Variants in POU6F2 observed in about 807,000 individuals in gnomAD.
POU6F2 encodes the protein POU domain, class 6, transcription factor 2.
POU6F2 carries 31 observed loss-of-function variants against 71.3 expected under a neutral mutation model. That is an observed-to-expected ratio of 0.43 (90% CI 0.33 to 0.59). POU6F2 has a LOEUF of 0.59. Ranked by LOEUF, POU6F2 falls within the 20% of genes least tolerant of loss-of-function variation. The probability of loss-of-function intolerance (pLI) is 0.04; values close to 1 mark genes in which losing one functional copy is unlikely to be tolerated. For missense variants in POU6F2, 783 were observed against 856.8 expected, an observed-to-expected ratio of 0.91 and a Z score of 1.07; for synonymous variants, 347 against 355.7, an observed-to-expected ratio of 0.98 and a Z score of 0.27.
chr7:39,090,043 T>C (rs201274846), intron 2 of POU6F2, among the ~76,000 whole-genome samples: 7 of 152,102 alleles, frequency 4.6e-5, no homozygotes, highest in East Asian at 3.9e-4. Flanking sequence ...CGTATAAGCA[T>C]TGCATCCAAA....
Position 39,460,538 on chromosome 7 carries a change from T to A in POU6F2, c.1490-9T>A. On this transcript the variant is annotated splice_polypyrimidine_tract_variant and intron_variant, in intron 8 of 9. Transcript: ENST00000518318. This position sits in a 1 kb window ranked among gnomAD's most constrained non-coding sequence, Gnocchi z 4.4. ...CGTATTGATCCTATTTTTAAAAACA[T>A]CTCCACAGATCCTCAAACGGCAGCG... 1 of 1,612,984 alleles carries A rather than the reference T, an allele frequency of 6.2e-7. No homozygotes were observed. Among genetic ancestry groups the A allele is most frequent in the South Asian group, 1.1e-5 (1 of 90,734 alleles).
intron 7 of POU6F2, 21 bp downstream of exon 7, chr7:39,433,304 C>G (rs780616403): frequency 6.2e-7 from 1 of 1,613,426 alleles, no homozygotes; most frequent in South Asian, 1.1e-5. Context: ...CAGGCCAAGG[C>G]AGCCATGGCA....
chr7:39,380,906 G>A (rs1185474994), intron 5 of POU6F2, among the ~76,000 whole-genome samples: 3 of 152,164 alleles, frequency 2.0e-5, no homozygotes, highest in Non-Finnish European at 4.4e-5. Flanking sequence ...AGTGGGCCCA[G>A]GTAGAAGCAC....
At chr7:39,002,816 G>T (rs952443398) in intron 1 of POU6F2, among the ~76,000 whole-genome samples, 1 of 152,162 alleles carries the variant, frequency 6.6e-6, no homozygotes, top group African/African-American at 2.4e-5. Flanking sequence ...CTTCTTCCCG[G>T]CATTGCCCTT....
intron 5 of POU6F2, among the ~76,000 whole-genome samples, chr7:39,368,858 A>G (rs1786555571): frequency 6.6e-6 from 1 of 152,140 alleles, no homozygotes; most frequent in Non-Finnish European, 1.5e-5. Flanking sequence ...AAATAACAAC[A>G]CTAAGGGGAG....
At chr7:39,075,843 C>A (rs925276541) in intron 1 of POU6F2, among the ~76,000 whole-genome samples, 1 of 152,224 alleles carries the variant, frequency 6.6e-6, no homozygotes, top group Non-Finnish European at 1.5e-5. Flanking sequence ...GACTAATCCC[C>A]GGACTAGCTT....
At position 39,240,825 on chromosome 7, in the gene POU6F2, C is replaced by A. The variant is rs543694094; in HGVS notation, c.598+33205C>A. Among the ~76,000 whole-genome samples the A allele has an allele frequency of 2.0e-5, 3 of 152,146 alleles. No individual in the cohort carries two copies. The East Asian group carries it at 5.8e-4, about 29-fold the overall frequency. ...CGAGTAAAAGATATGATATTTTCAG[C>A]CATACAGAAAATCGCAGCTCAAAAT... On this transcript the variant is annotated intron_variant, in intron 4 of 9. Coordinates refer to ENST00000518318, the MANE Select transcript of POU6F2 (RefSeq NM_001370959.1).
At chr7:39,081,180 G>C (rs768647188) in intron 1 of POU6F2, among the ~76,000 whole-genome samples, 1 of 152,132 alleles carries the variant, frequency 6.6e-6, no homozygotes, top group Non-Finnish European at 1.5e-5. Context: ...CATTAATTAG[G>C]TAAAAGTTGT....
At chr7:39,270,764 A>G (rs1026611473) in intron 4 of POU6F2, among the ~76,000 whole-genome samples, 1 of 152,128 alleles carries the variant, frequency 6.6e-6, no homozygotes, top group Non-Finnish European at 1.5e-5. Flanking sequence ...TAGCTTACAC[A>G]TCTCTAGAAT....
chr7:39,299,401 A>T (rs1434543076), intron 4 of POU6F2, among the ~76,000 whole-genome samples: 2 of 152,096 alleles, frequency 1.3e-5, no homozygotes. Context: ...CCACTTAGAG[A>T]GGGAACTCAA....
At chr7:39,181,568 T>TCA (rs1205159553) in intron 2 of POU6F2, among the ~76,000 whole-genome samples, 1 of 152,194 alleles carries the variant, frequency 6.6e-6, no homozygotes, top group East Asian at 1.9e-4. Flanking sequence ...TTCAACTCAT[T>TCA]ACACAACTTG....
chr7:39,052,578 T>C (rs1056006704), intron 1 of POU6F2, among the ~76,000 whole-genome samples: 3 of 152,100 alleles, frequency 2.0e-5, no homozygotes, highest in Non-Finnish European at 4.4e-5. Flanking sequence ...TCCAATTACC[T>C]TCACCTGGTC....
intron 5 of POU6F2, among the ~76,000 whole-genome samples, chr7:39,395,500 CT>C: frequency 6.6e-6 from 1 of 152,194 alleles, no homozygotes; most frequent in South Asian, 2.1e-4. Flanking sequence ...TCTGGACTCC[CT>C]CTGCCCTTCT....
intron 4 of POU6F2, among the ~76,000 whole-genome samples, chr7:39,211,369 A>C (rs73367220): frequency 0.06 from 9,123 of 152,200 alleles, 764 homozygotes; most frequent in African/African-American, 0.19. Context: ...AATGACAGAA[A>C]GGAATAATGT....
At chr7:39,001,999 G>T (rs564818770) in intron 1 of POU6F2, 1 of 152,120 alleles carries the variant, frequency 6.6e-6, no homozygotes, top group African/African-American at 2.4e-5. Context: ...CCACAATGGG[G>T]TTTAAAACTA....
intron 2 of POU6F2, among the ~76,000 whole-genome samples, chr7:39,170,183 TA>T (rs915493463): frequency 6.6e-6 from 1 of 151,996 alleles, no homozygotes; most frequent in Non-Finnish European, 1.5e-5. Flanking sequence ...ATAATAATAA[TA>T]AAAAAAATTG....
chr7:39,183,417 A>G (rs1308018430), intron 2 of POU6F2, among the ~76,000 whole-genome samples: 3 of 152,228 alleles, frequency 2.0e-5, no homozygotes, highest in Non-Finnish European at 2.9e-5. Flanking sequence ...AGGAGAGCAG[A>G]CAGTTCTTAT....
chr7:39,288,790 G>A (rs1421552711), intron 4 of POU6F2, among the ~76,000 whole-genome samples: 1 of 152,124 alleles, frequency 6.6e-6, no homozygotes, highest in African/African-American at 2.4e-5. Context: ...CACCGAAACT[G>A]ATAGTGACAT....
At chr7:39,459,058 AC>A (rs1788879035) in intron 8 of POU6F2, among the ~76,000 whole-genome samples, 1 of 151,756 alleles carries the variant, frequency 6.6e-6, no homozygotes, top group African/African-American at 2.4e-5. Context: ...TTGGATGCCA[AC>A]CCCCTATAGA....
Sources: gnomAD v4.1 joint callset for allele counts (sites outside exome capture counted in the v4.1 genomes callset) on GRCh38, gnomAD v4.1.1 for gene constraint, Gnocchi (gnomAD v3.1) non-coding constraint, MANE v1.5 for transcripts, NCBI Gene and HGNC (gene_info 2026-07-23, HGNC 2026-07-21) for gene names.